Variants in KLHL28 observed in about 807,000 individuals in gnomAD.
KLHL28 encodes the protein kelch like family member 28, also known as kelch-like protein 28.
In KLHL28, 22 loss-of-function variants were observed where a neutral mutation model predicts 48.3. That is an observed-to-expected ratio of 0.46 (90% CI 0.33 to 0.65). KLHL28 has a LOEUF of 0.65. Among genes scored for constraint, KLHL28 ranks in the 30% least tolerant of loss-of-function variants. The pLI is 0.03. For synonymous variants in KLHL28, 243 were observed against 242.4 expected (o/e 1.00, Z -0.02); for missense variants, 527 against 704.3 (o/e 0.75, Z 2.85).
At chr14:44,950,418 A>T (rs1249002549) in intron 1 of KLHL28, among the ~76,000 whole-genome samples, 1 of 152,220 alleles carries the variant, frequency 6.6e-6, no homozygotes, top group Non-Finnish European at 1.5e-5. Flanking sequence ...TAGGAATCAC[A>T]TAGTGATAGA....
At chr14:44,953,954 A>G (rs540448878) in intron 1 of KLHL28, among the ~76,000 whole-genome samples, 2 of 152,328 alleles carry the variant, frequency 1.3e-5, no homozygotes, top group African/African-American at 4.8e-5. Flanking sequence ...TATAAAATAT[A>G]TATCAGTAAT....
intron 1 of KLHL28, among the ~76,000 whole-genome samples, chr14:44,946,429 T>A (rs1056109128): frequency 1.3e-5 from 2 of 152,012 alleles, no homozygotes; most frequent in Admixed American, 1.3e-4. Flanking sequence ...TGACAGAGGG[T>A]GCTGAATTTA....
intron 1 of KLHL28, among the ~76,000 whole-genome samples, chr14:44,951,534 T>C (rs1327124219): frequency 6.6e-6 from 1 of 152,260 alleles, no homozygotes; most frequent in Non-Finnish European, 1.5e-5. Flanking sequence ...TAAGACATTC[T>C]ATTCATTTGA....
intron 1 of KLHL28, among the ~76,000 whole-genome samples, chr14:44,955,578 C>T (rs532141932): frequency 1.9e-4 from 29 of 152,252 alleles, no homozygotes; most frequent in Admixed American, 5.2e-4. Context: ...GAGTTTGAGA[C>T]CAGCCTGGGC....
At chr14:44,931,647 G>A in intron 3 of KLHL28, 106 bp from the exon 4 acceptor site, 2 of 772,322 alleles carry the variant, frequency 2.6e-6, no homozygotes, top group East Asian at 5.4e-5. Flanking sequence ...ATAATAGAGA[G>A]ATATTAAACA....
intron 4 of KLHL28, among the ~76,000 whole-genome samples, chr14:44,929,598 C>A (rs1883499153): frequency 6.6e-6 from 1 of 152,122 alleles, no homozygotes; most frequent in South Asian, 2.1e-4. Context: ...GTACTATCTG[C>A]AGTTTCAGTC....
At chr14:44,933,407 C>G (rs1486586493) in intron 3 of KLHL28, among the ~76,000 whole-genome samples, 2 of 151,258 alleles carry the variant, frequency 1.3e-5, no homozygotes, top group African/African-American at 4.9e-5. Flanking sequence ...ACCTCCTGGG[C>G]TCAAGCAATC....
At chr14:44,935,902 A>ATATATATATATATATATATATATATC (rs1196033876) in intron 2 of KLHL28, among the ~76,000 whole-genome samples, 1 of 131,486 alleles carries the variant, frequency 7.6e-6, no homozygotes, top group Non-Finnish European at 1.7e-5. Flanking sequence ...ATATATATAT[A>ATATATATATATATATATATATATATC]TCTTTACCCT....
rs73334142 is a variant in KLHL28 at position 44,939,806 on chromosome 14, C to A, written c.899+5224G>T. 3.1e-3 allele frequency among the ~76,000 whole-genome samples: 473 copies of A among 152,320 alleles called. 3 individuals carry two copies. The highest frequency in any genetic ancestry group is 9.5e-3 in the African/African-American group (394 of 41,564). ...CCTCACCAGAATCACCCTTAACATT[C>A]TATTCACGGCAATCTAGGCTTCTTC... On this transcript the variant is annotated intron_variant, in intron 2 of 4. Transcript: ENST00000396128.
At chr14:44,949,371 G>A (rs1004231730) in intron 1 of KLHL28, among the ~76,000 whole-genome samples, 2 of 152,026 alleles carry the variant, frequency 1.3e-5, no homozygotes, top group African/African-American at 4.8e-5. Flanking sequence ...TAGAAGACTT[G>A]TAGATCAGAA....
chr14:44,928,847 G>T lies in KLHL28; in HGVS notation c.*181C>A. The T allele has an allele frequency of 1.5e-5, 7 of 467,244 alleles. No individual in the cohort carries two copies. The highest frequency in any genetic ancestry group is 4.1e-5 in the South Asian group (1 of 24,292). 28.9% of individuals were successfully genotyped at this position (467,244 alleles called of 1,614,324 possible). ...TTCTTTTTGATTATTGATTTACTGTGTAATCAAGAGCAACCAAAACTACTT... is the reference window on the plus strand; with the variant it reads ...TTCTTTTTGATTATTGATTTACTGTTTAATCAAGAGCAACCAAAACTACTT... On this transcript the variant is annotated 3_prime_UTR_variant, in exon 5 of 5. Transcript: ENST00000396128.
Position 44,928,877 on chromosome 14 carries a change from A to G in KLHL28, c.*151T>C, listed in dbSNP as rs541068759. 8.5e-6 allele frequency: 5 copies of G among 587,700 alleles called. No individual in the cohort carries two copies. Among genetic ancestry groups the G allele is most frequent in the East Asian group, 2.9e-5 (1 of 34,848 alleles). 36.4% of individuals were successfully genotyped at this position (587,700 alleles called of 1,614,324 possible). On this transcript the variant is annotated 3_prime_UTR_variant, in exon 5 of 5. Coordinates refer to ENST00000396128, the MANE Select transcript of KLHL28 (RefSeq NM_017658.5). ...CAAGAGCAACCAAAACTACTTCTCA[A>G]TTAAAAGTACCCAACAAAACTTTTG...
chr14:44,941,591 G>A (rs1472315097), intron 2 of KLHL28, among the ~76,000 whole-genome samples: 2 of 141,336 alleles, frequency 1.4e-5, no homozygotes, highest in African/African-American at 5.4e-5. Context: ...TTGCGCCACT[G>A]CACTCCAGCC....
intron 4 of KLHL28, among the ~76,000 whole-genome samples, chr14:44,929,779 A>C (rs1201268412): frequency 6.6e-6 from 1 of 152,122 alleles, no homozygotes; most frequent in Non-Finnish European, 1.5e-5. Flanking sequence ...GTTCCACTGC[A>C]CTCCTGCCTG....
chr14:44,942,699 C>G (rs1227512436), intron 2 of KLHL28, among the ~76,000 whole-genome samples: 2 of 152,110 alleles, frequency 1.3e-5, no homozygotes, highest in Admixed American at 6.5e-5. Flanking sequence ...GTACATTCCT[C>G]GTGACCTTTC....
intron 2 of KLHL28, among the ~76,000 whole-genome samples, chr14:44,941,491 G>A (rs1884081528): frequency 6.6e-6 from 1 of 151,926 alleles, no homozygotes; most frequent in African/African-American, 2.4e-5. Flanking sequence ...AGCTGGGCGT[G>A]GTGGTGCAAG....
chr14:44,960,296 A>C (rs1393054338), intron 1 of KLHL28, among the ~76,000 whole-genome samples: 1 of 152,224 alleles, frequency 6.6e-6, no homozygotes, highest in Non-Finnish European at 1.5e-5. Flanking sequence ...TCTAGTTATT[A>C]ACTTGGCTTC....
chr14:44,949,759 T>C (rs1431260951), intron 1 of KLHL28, among the ~76,000 whole-genome samples: 3 of 152,120 alleles, frequency 2.0e-5, no homozygotes, highest in Non-Finnish European at 4.4e-5. Context: ...AAGTATAGAA[T>C]AAGAGAGAAA....
At chr14:44,955,891 A>G (rs994855572) in intron 1 of KLHL28, among the ~76,000 whole-genome samples, 1 of 152,252 alleles carries the variant, frequency 6.6e-6, no homozygotes, top group African/African-American at 2.4e-5. Context: ...TTCACTAGTC[A>G]AAGACAGGAC....
Sources: gnomAD v4.1 joint callset for allele counts (sites outside exome capture counted in the v4.1 genomes callset) on GRCh38, gnomAD v4.1.1 for gene constraint, MANE v1.5 for transcripts, NCBI Gene and HGNC (gene_info 2026-07-23, HGNC 2026-07-21) for gene names.